DARS2: variants seen among roughly 807,000 people sequenced by gnomAD.
The protein encoded by DARS2 is aspartyl-tRNA synthetase 2, mitochondrial.
DARS2 carries 63 observed loss-of-function variants against 83.0 expected under a neutral mutation model. The ratio of observed to expected loss-of-function variants is 0.76; its 90% CI spans 0.62 to 0.94. The LOEUF is 0.94. Ranked by LOEUF, DARS2 falls within the 40% of genes least tolerant of loss-of-function variation. The pLI, the probability that DARS2 is intolerant of heterozygous loss-of-function variation, is 0.00. For synonymous variants in DARS2, 250 were observed against 269.3 expected (o/e 0.93, Z 0.70); for missense variants, 675 against 774.4 (o/e 0.87, Z 1.52).
chr1:173,842,286 T>TG (rs1221669429), intron 11 of DARS2, among the ~76,000 whole-genome samples: 3 of 35,634 alleles, frequency 8.4e-5, no homozygotes, highest in African/African-American at 7.4e-4. Context: ...ATTACTTTCT[T>TG]TTTTTTTTTT....
In DARS2 at chr1:173,831,587, AT is replaced by A; in HGVS notation, c.450del (p.Asn150LysfsTer14). ...AAAGTTAAAACAGCTGAGCTTCTGA[AT>A]GCCTGCAAGAAGCTGCCCTTTGAAA... Reference protein sequence around the residue: ...EIKVKTAELLNACKKLPFEIK... With the variant: ...EIKVKTAELLXACKKLPFEIK... On this transcript the variant is annotated frameshift_variant, in exon 5 of 17. Coordinates refer to ENST00000649689, the MANE Select transcript of DARS2 (RefSeq NM_018122.5). LOFTEE classifies it high-confidence loss of function. The A allele has an allele frequency of 6.2e-7, 1 of 1,614,148 alleles. No homozygotes were observed. Among genetic ancestry groups the A allele is most frequent in the South Asian group, 1.1e-5 (1 of 91,080 alleles).
Position 173,830,779 on chromosome 1 carries a change from T to A in DARS2, c.396+18T>A. 1 of 1,604,544 alleles carries A rather than the reference T, an allele frequency of 6.2e-7. No individual in the cohort carries two copies. The highest frequency in any genetic ancestry group is 8.5e-7 in the Non-Finnish European group (1 of 1,171,362). On this transcript the variant is annotated intron_variant, in intron 4 of 16. Coordinates refer to ENST00000649689, the MANE Select transcript of DARS2 (RefSeq NM_018122.5). ...AGAATCCAGTAGGTAGTTTCGAAGA[T>A]ATCTGTGTAATTTTTGCTTGTATGC...
At chr1:173,840,249 A>AT (rs1557858594) in intron 10 of DARS2, among the ~76,000 whole-genome samples, 1 of 152,008 alleles carries the variant, frequency 6.6e-6, no homozygotes, top group African/African-American at 2.4e-5. Context: ...CTTTTTTTGT[A>AT]TTTTTTTGAG....
chr1:173,830,399 T>G (rs1191926310), intron 3 of DARS2, among the ~76,000 whole-genome samples: 2 of 152,220 alleles, frequency 1.3e-5, no homozygotes, highest in African/African-American at 2.4e-5. Context: ...GCACTAATAA[T>G]AGTCATTCTT....
In DARS2 at chr1:173,853,811, A is replaced by G. The variant is rs1653764206; in HGVS notation, c.1580A>G (p.Tyr527Cys). The stretch of plus-strand genomic sequence containing the variant: ...ATCTTCTAGGCCCGTAGCCAACACT[A>G]TGACTTGGTTTTAAATGGCAATGAA... ...TEPKKARSQH[Y>C]DLVLNGNEIG... Residue 527 changes from tyrosine to cysteine, a missense_variant, in exon 15 of 17, where the codon TAT becomes TGT. Physicochemically the swap from Tyr to Cys is radical, Grantham distance 194. Transcript: ENST00000649689. The G allele has an allele frequency of 1.2e-6, 2 of 1,613,934 alleles. No homozygotes were observed. Among genetic ancestry groups the G allele is most frequent in the African/African-American group, 1.3e-5 (1 of 74,930 alleles).
At chr1:173,836,732 C>T (rs945822052) in intron 7 of DARS2, among the ~76,000 whole-genome samples, 3 of 152,120 alleles carry the variant, frequency 2.0e-5, no homozygotes, top group African/African-American at 2.4e-5. Context: ...TAACACCTAC[C>T]GTATACAATG....
intron 12 of DARS2, among the ~76,000 whole-genome samples, chr1:173,848,429 A>G (rs962351573): frequency 6.6e-6 from 1 of 152,226 alleles, no homozygotes; most frequent in African/African-American, 2.4e-5. Context: ...TTATGTCTGC[A>G]TTGTTCGGTG....
At position 173,840,966 on chromosome 1, in the gene DARS2, A is replaced by G; in HGVS notation, c.1121A>G (p.Glu374Gly). 1 of 1,575,992 alleles carries G rather than the reference A, an allele frequency of 6.3e-7. No homozygotes were observed. The highest frequency in any genetic ancestry group is 8.7e-7 in the Non-Finnish European group (1 of 1,145,288). The change falls in exon 11 of 17, where the codon GAA (glutamate) becomes GGA (glycine). Residue 374 changes from glutamate (E) to glycine (G), a missense_variant. Transcript: ENST00000649689. ...ACTGTGAAAGCCATATGTATCCCTG[A>G]AGGAGCAGTAAGTGAAGTACAGTTC... ...HGTVKAICIP[E>G]GAKYLKRKDI...
In DARS2 at chr1:173,834,478, G is replaced by A. The variant is rs1571982040; in HGVS notation, c.622G>A (p.Val208Met). ...REYLCNLHGFVDIETPTLFKR... is the reference protein window; with the variant it reads ...REYLCNLHGFMDIETPTLFKR... ...TAATGTTTCTCTCTTTTTAGGGTTT[G>A]TGGATATAGAAACCCCCACATTGTT... The change falls in exon 7 of 17, where the codon GTG becomes ATG. Residue 208 changes from valine to methionine, a missense_variant. Physicochemically the swap from Val to Met is conservative, Grantham distance 21. Transcript: ENST00000649689. 2 of 1,607,346 alleles carry A rather than the reference G, an allele frequency of 1.2e-6. No homozygotes were observed. The highest frequency in any genetic ancestry group is 4.5e-5 in the East Asian group (2 of 44,730).
intron 12 of DARS2, among the ~76,000 whole-genome samples, chr1:173,849,608 A>C (rs1040745123): frequency 1.3e-5 from 2 of 151,842 alleles, no homozygotes; most frequent in African/African-American, 4.8e-5. Context: ...TAGCATGAGC[A>C]GCAAGGCTGC....
In DARS2 at chr1:173,837,018, C is replaced by T. The variant is rs772489337; in HGVS notation, c.742C>T (p.Gln248Ter). 1 of 1,613,904 alleles carries T rather than the reference C, an allele frequency of 6.2e-7. No homozygotes were observed. The highest frequency in any genetic ancestry group is 8.5e-7 in the Non-Finnish European group (1 of 1,179,940). ...SLPQSPQQFK[Q>*]LLMVGGLDRY... is the part of the protein sequence containing the mutation. Reference sequence around the variant, plus strand: ...CCCTCAGAGTCCTCAACAGTTTAAGCAACTTCTGATGGTTGGCGGTTTAGA... The same window carrying T: ...CCCTCAGAGTCCTCAACAGTTTAAGTAACTTCTGATGGTTGGCGGTTTAGA... The change falls in exon 8 of 17, where the codon CAA becomes TAA. Residue 248 changes from glutamine to a stop codon, truncating the protein, a stop_gained. Transcript: ENST00000649689. LOFTEE classifies it high-confidence loss of function.
chr1:173,857,763 A>G lies in DARS2; in HGVS notation c.*58A>G, dbSNP rs908756396. ...AGGTTTTGTCCTCTTTGCTTCCCCA[A>G]GGCTAAAGTCAGATCTAGAGTTCTG... On this transcript the variant is annotated 3_prime_UTR_variant, in exon 17 of 17. Transcript: ENST00000649689. 1.3e-6 allele frequency: 2 copies of G among 1,587,876 alleles called. No homozygotes were observed. The highest frequency in any genetic ancestry group is 1.3e-5 in the African/African-American group (1 of 74,410).
intron 2 of DARS2, 61 bp downstream of exon 2, chr1:173,826,847 C>G: frequency 8.2e-7 from 1 of 1,215,670 alleles, no homozygotes; most frequent in Non-Finnish European, 1.2e-6. Flanking sequence ...CAATTCCAAA[C>G]CTTTACTAAT....
chr1:173,848,354 A>G (rs1352835457), intron 12 of DARS2, among the ~76,000 whole-genome samples: 1 of 152,220 alleles, frequency 6.6e-6, no homozygotes, highest in East Asian at 1.9e-4. Flanking sequence ...AAAATTTTGA[A>G]TTGACAGCCA....
intron 13 of DARS2, 142 bp downstream of exon 13, chr1:173,850,621 T>TC: frequency 1.1e-6 from 1 of 915,674 alleles, no homozygotes; most frequent in South Asian, 1.7e-5. Flanking sequence ...TTTTTTTTTT[T>TC]AAGAGACGGA....
rs145007967 is a variant in DARS2, at chr1:173,835,281, G to C, written c.663+762G>C. Among the ~76,000 whole-genome samples the C allele has an allele frequency of 2.0e-5, 3 of 151,324 alleles. No homozygotes were observed. In the South Asian group the frequency reaches 6.3e-4, roughly 32 times the overall value. On this transcript the variant is annotated intron_variant, in intron 7 of 16. Coordinates refer to ENST00000649689, the MANE Select transcript of DARS2 (RefSeq NM_018122.5). Reference sequence around the variant, plus strand: ...ATTTTTGTATTTTTTTAGTAGAGACGGGGTTTCGCATGTTGGCCCAGCTGG... The same window carrying C: ...ATTTTTGTATTTTTTTAGTAGAGACCGGGTTTCGCATGTTGGCCCAGCTGG...
chr1:173,847,721 CTTTTT>C (rs977874151), intron 12 of DARS2, among the ~76,000 whole-genome samples: 1 of 150,850 alleles, frequency 6.6e-6, no homozygotes, highest in African/African-American at 2.4e-5. Context: ...TCTCTACATA[CTTTTT>C]TTTTCTTTTT....
intron 6 of DARS2, among the ~76,000 whole-genome samples, chr1:173,833,992 G>C (rs1045622711): frequency 1.1e-4 from 16 of 151,982 alleles, no homozygotes; most frequent in Admixed American, 7.9e-4. Flanking sequence ...AAACTTCTGG[G>C]TTTAAGCAAT....
intron 11 of DARS2, among the ~76,000 whole-genome samples, chr1:173,843,336 G>A (rs1020123391): frequency 2.0e-5 from 3 of 152,116 alleles, no homozygotes; most frequent in South Asian, 2.1e-4. Context: ...TGAGGCGGGC[G>A]GATCACGAGG....
Sources: allele counts gnomAD v4.1 joint callset (sites outside exome capture counted in the v4.1 genomes callset), GRCh38; gene constraint gnomAD v4.1.1; transcripts MANE v1.5; gene names NCBI Gene and HGNC (gene_info 2026-07-23, HGNC 2026-07-21).